Variants in UNG observed in about 807,000 individuals in gnomAD.
UNG encodes uracil-DNA glycosylase.
Under a neutral mutation model 36.5 loss-of-function variants are expected in UNG, and 34 were observed. The observed-to-expected ratio is 0.93, with a 90% CI of 0.71 to 1.24. The LOEUF is 1.24. Among genes scored for constraint, UNG ranks in the 50% most tolerant of loss-of-function variants. UNG has a pLI of 0.00. For missense variants in UNG, 391 were observed against 397.6 expected, an observed-to-expected ratio of 0.98 and a Z score of 0.14; for synonymous variants, 172 against 157.8, an observed-to-expected ratio of 1.09 and a Z score of -0.67.
intron 3 of UNG, among the ~76,000 whole-genome samples, chr12:109,100,073 A>C (rs2042165616): frequency 6.6e-6 from 1 of 152,082 alleles, no homozygotes; most frequent in African/African-American, 2.4e-5. Context: ...AAACAAAAAA[A>C]AAACCGTGGC....
At chr12:109,099,142 G>A in intron 2 of UNG, 47 bp from the exon 3 acceptor site, 2 of 1,546,832 alleles carry the variant, frequency 1.3e-6, no homozygotes, top group African/African-American at 2.7e-5. Flanking sequence ...AATTCTTATG[G>A]TTTCCAATGA....
chr12:109,104,840 G>A (rs1436101839), intron 6 of UNG, among the ~76,000 whole-genome samples: 2 of 152,094 alleles, frequency 1.3e-5, no homozygotes, highest in African/African-American at 2.4e-5. Context: ...ATAGTTTTTG[G>A]TGTATCAGCA....
intron 6 of UNG, among the ~76,000 whole-genome samples, chr12:109,104,704 G>A (rs1197826721): frequency 1.3e-5 from 2 of 152,280 alleles, no homozygotes; most frequent in African/African-American, 4.8e-5. Context: ...GAGATAGGGG[G>A]TGGGAAGGAG....
chr12:109,098,503 C>T lies in UNG; in HGVS notation c.204C>T (p.Ala68=), dbSNP rs777436497. The T allele has an allele frequency of 7.4e-6, 12 of 1,612,658 alleles. 1 individual carries two copies. In the South Asian group the frequency reaches 9.9e-5, roughly 13 times the overall value. The change falls in exon 2 of 7, where the codon GCC becomes GCT. Residue 68 remains alanine, a synonymous_variant. Transcript: ENST00000242576. ...CGCCGCCCTCCTCGCCGCTGAGTGCCGAGCAGTTGGACCGGATCCAGAGGA... is the reference window on the plus strand; with the variant it reads ...CGCCGCCCTCCTCGCCGCTGAGTGCTGAGCAGTTGGACCGGATCCAGAGGA... ...PGTPPSSPLS[A]EQLDRIQRNK...
chr12:109,098,850 T>C (rs1178853988), intron 2 of UNG, among the ~76,000 whole-genome samples: 1 of 152,174 alleles, frequency 6.6e-6, no homozygotes, highest in African/African-American at 2.4e-5. Context: ...CGAGATGATA[T>C]CATGGATTCA....
At chr12:109,102,815 G>T (rs200073522) in intron 4 of UNG, 24 bp from the exon 5 acceptor site, 1 of 1,547,736 alleles carries the variant, frequency 6.5e-7, no homozygotes, top group Admixed American at 1.7e-5. Flanking sequence ...TCTGTTTTTT[G>T]TTTTTCTTGT....
At chr12:109,101,376 C>T (rs1242435065) in intron 3 of UNG, among the ~76,000 whole-genome samples, 1 of 151,700 alleles carries the variant, frequency 6.6e-6, no homozygotes, top group Non-Finnish European at 1.5e-5. Flanking sequence ...AGGCGTGAGC[C>T]ACCATGCCAG....
intron 6 of UNG, among the ~76,000 whole-genome samples, chr12:109,107,613 C>G (rs762830338): frequency 6.6e-6 from 1 of 151,350 alleles, no homozygotes; most frequent in Non-Finnish European, 1.5e-5. Context: ...GCAGCCTCCC[C>G]CTCCTGGGTT....
intron 1 of UNG, 30 bp downstream of exon 1, chr12:109,097,841 G>A: frequency 2.7e-6 from 4 of 1,502,796 alleles, no homozygotes; most frequent in Non-Finnish European, 3.6e-6. Context: ...GGGGCTAGGG[G>A]GTGAAGGGGG....
At chr12:109,107,345 C>T (rs1052915670) in intron 6 of UNG, among the ~76,000 whole-genome samples, 4 of 152,090 alleles carry the variant, frequency 2.6e-5, no homozygotes, top group East Asian at 3.9e-4. Context: ...GGACCACAGG[C>T]GTGCGCCACC....
At chr12:109,098,081 AG>A in intron 1 of UNG, 1 of 1,373,398 alleles carries the variant, frequency 7.3e-7, no homozygotes, top group East Asian at 2.7e-5. Context: ...ATCAGAGGGG[AG>A]AGGGGGCGGG....
chr12:109,098,345 G>C, intron 1 of UNG, 87 bp from the exon 2 acceptor site: 1 of 1,603,968 alleles, frequency 6.2e-7, no homozygotes, highest in Non-Finnish European at 8.5e-7. Flanking sequence ...CTTCTGCCTT[G>C]GGCCGTGGGG....
chr12:109,097,721 C>A lies in UNG; in HGVS notation c.42C>A (p.Ser14Arg). ...CGCTCTACTCCTTTTTCTCCCCCAGCCCCGCCAGGAAGCGACACGCCCCCA... is the reference window on the plus strand; with the variant it reads ...CGCTCTACTCCTTTTTCTCCCCCAGACCCGCCAGGAAGCGACACGCCCCCA... ...QKTLYSFFSP[S>R]PARKRHAPSP... is the part of the protein sequence containing the mutation. The change falls in exon 1 of 7, where the codon AGC (serine) becomes AGA (arginine). Residue 14 changes from serine to arginine, a missense_variant. Coordinates refer to ENST00000242576, the MANE Select transcript of UNG (RefSeq NM_080911.3). 6.3e-7 allele frequency: 1 copy of A among 1,593,788 alleles called. No individual in the cohort carries two copies. The highest frequency in any genetic ancestry group is 8.5e-7 in the Non-Finnish European group (1 of 1,170,364).
intron 6 of UNG, among the ~76,000 whole-genome samples, chr12:109,104,779 A>C (rs188158235): frequency 1.4e-4 from 21 of 152,268 alleles, no homozygotes; most frequent in Non-Finnish European, 2.6e-4. Flanking sequence ...GAAATTATAG[A>C]GTAAATGCTT....
chr12:109,107,513 T>G (rs1401365965), intron 6 of UNG, among the ~76,000 whole-genome samples: 2 of 140,362 alleles, frequency 1.4e-5, no homozygotes, highest in African/African-American at 5.4e-5. Context: ...CCACTGACTA[T>G]TCCTCTTTTT....
In UNG at chr12:109,101,755, A is replaced by T. The variant is rs980918331; in HGVS notation, c.436-147A>T. 4 of 714,906 alleles carry T rather than the reference A, an allele frequency of 5.6e-6. No individual in the cohort carries two copies. The African/African-American group carries it at 7.0e-5, about 13-fold the overall frequency. The allele number at this position is 714,906 out of a possible 1,614,324, so 44.3% of individuals were successfully genotyped here. A position where few individuals can be genotyped will look rare whatever the true frequency, so the allele number is the denominator to read the frequency against. On this transcript the variant is annotated intron_variant, in intron 3 of 6. Coordinates refer to ENST00000242576, the MANE Select transcript of UNG (RefSeq NM_080911.3). ...AGGTACATATCTTTACAAGTTTAAAATACGCTTAGCCTTTGACCAGCAACT... is the reference window on the plus strand; with the variant it reads ...AGGTACATATCTTTACAAGTTTAAATTACGCTTAGCCTTTGACCAGCAACT...
rs1264220860 is a variant in UNG, at chr12:109,110,678, G to T, written c.*709G>T. On this transcript the variant is annotated 3_prime_UTR_variant, in exon 7 of 7. Coordinates refer to ENST00000242576, the MANE Select transcript of UNG (RefSeq NM_080911.3). The stretch of plus-strand genomic sequence containing the variant: ...GGAGAAAAGGGAATTTTGTCTTTAT[G>T]GGGTGGGGTGATTTTCTCCTAGGGT... The T allele has an allele frequency of 6.6e-6, 1 of 152,442 alleles. No individual in the cohort carries two copies. The highest frequency in any genetic ancestry group is 2.4e-5 in the African/African-American group (1 of 41,376). 9.4% of individuals were successfully genotyped at this position (152,442 alleles called of 1,614,324 possible).
At chr12:109,107,574 G>A (rs528232388) in intron 6 of UNG, among the ~76,000 whole-genome samples, 48 of 143,556 alleles carry the variant, frequency 3.3e-4, no homozygotes, top group Non-Finnish European at 6.6e-4. Context: ...TGCCCAGGCT[G>A]GAGTGCAATG....
intron 6 of UNG, 67 bp from the exon 7 acceptor site, chr12:109,109,762 T>TGAAAAAA (rs2042245983): frequency 1.1e-6 from 1 of 881,338 alleles, no homozygotes. Flanking sequence ...AGACTCTGTC[T>TGAAAAAA]CAAAAAAAAA....
Sources: allele counts gnomAD v4.1 joint callset (sites outside exome capture counted in the v4.1 genomes callset), GRCh38; gene constraint gnomAD v4.1.1; transcripts MANE v1.5; gene names NCBI Gene and HGNC (gene_info 2026-07-23, HGNC 2026-07-21).